The following NRG3 variants were observed in gnomAD, a reference collection of about 807,000 sequenced individuals.
NRG3 encodes neuregulin 3.
NRG3 carries 31 observed loss-of-function variants against 66.9 expected under a neutral mutation model. The observed-to-expected ratio is 0.46, with a 90% CI of 0.35 to 0.63. The LOEUF is 0.63. Ranked by LOEUF, NRG3 falls within the 20% of genes least tolerant of loss-of-function variation. NRG3 has a pLI of 0.00. For missense variants in NRG3, 910 were observed against 878.9 expected (o/e 1.04, Z -0.45); for synonymous variants, 393 against 359.4 (o/e 1.09, Z -1.06).
At chr10:81,973,654 T>C (rs1294359430) in intron 1 of NRG3, among the ~76,000 whole-genome samples, 1 of 152,206 alleles carries the variant, frequency 6.6e-6, no homozygotes, top group African/African-American at 2.4e-5. Context: ...ATTTCTCTCA[T>C]AATTAGTGAT....
chr10:82,131,736 T>A (rs538246253), intron 1 of NRG3, among the ~76,000 whole-genome samples: 1 of 152,268 alleles, frequency 6.6e-6, no homozygotes, highest in South Asian at 2.1e-4. Context: ...GTTTTCATTG[T>A]AGATAACTTT....
intron 4 of NRG3, among the ~76,000 whole-genome samples, chr10:82,945,227 G>A (rs1356490126): frequency 6.6e-6 from 1 of 152,138 alleles, no homozygotes; most frequent in Non-Finnish European, 1.5e-5. Flanking sequence ...ATGTTGGTTG[G>A]AACAGCACAC....
intron 1 of NRG3, among the ~76,000 whole-genome samples, chr10:82,196,452 AGAGCT>A (rs1176752462): frequency 1.3e-5 from 2 of 152,200 alleles, no homozygotes; most frequent in African/African-American, 2.4e-5. Context: ...GAGAAATGCA[AGAGCT>A]GGGTTCAGGT....
intron 3 of NRG3, among the ~76,000 whole-genome samples, chr10:82,797,402 C>T (rs1170864292): frequency 6.6e-6 from 1 of 152,180 alleles, no homozygotes; most frequent in Non-Finnish European, 1.5e-5. Flanking sequence ...ACTTGACTAT[C>T]CAGGTGCCTT....
intron 1 of NRG3, among the ~76,000 whole-genome samples, chr10:82,067,495 C>T (rs1308705805): frequency 6.6e-6 from 1 of 152,176 alleles, no homozygotes; most frequent in African/African-American, 2.4e-5. Flanking sequence ...TTACAGGTTC[C>T]TGCCACCATG....
chr10:82,451,184 T>C (rs1694368890), intron 2 of NRG3, among the ~76,000 whole-genome samples: 2 of 152,172 alleles, frequency 1.3e-5, no homozygotes, highest in Admixed American at 1.3e-4. Context: ...ATTTTTCCCA[T>C]TTTATAATTA....
intron 4 of NRG3, among the ~76,000 whole-genome samples, chr10:82,937,090 C>A (rs180860093): frequency 6.6e-6 from 1 of 152,144 alleles, no homozygotes; most frequent in South Asian, 2.1e-4. Flanking sequence ...CTACAACACT[C>A]TTTTAATTCT....
intron 4 of NRG3, among the ~76,000 whole-genome samples, chr10:82,880,983 G>A (rs903291245): frequency 6.6e-6 from 1 of 152,190 alleles, no homozygotes; most frequent in Admixed American, 6.5e-5. Context: ...AGCAGTGCAG[G>A]AAGATAAGCA....
At chr10:82,897,006 C>T (rs751846727) in intron 4 of NRG3, among the ~76,000 whole-genome samples, 15 of 152,168 alleles carry the variant, frequency 9.9e-5, no homozygotes, top group Non-Finnish European at 8.8e-5. Context: ...AGAAGAAATT[C>T]GGTTTGGTGA....
chr10:82,149,789 T>C (rs550922064), intron 1 of NRG3, among the ~76,000 whole-genome samples: 17 of 152,100 alleles, frequency 1.1e-4, no homozygotes, highest in African/African-American at 4.1e-4. Context: ...TTTTATGACA[T>C]GTTTCACACA....
At chr10:82,672,949 C>G (rs1042377897) in intron 2 of NRG3, among the ~76,000 whole-genome samples, 1 of 152,206 alleles carries the variant, frequency 6.6e-6, no homozygotes, top group African/African-American at 2.4e-5. Context: ...TGGGGTTTTA[C>G]CATGTTGGCC....
At chr10:82,020,813 A>G (rs759037393) in intron 1 of NRG3, among the ~76,000 whole-genome samples, 5 of 152,098 alleles carry the variant, frequency 3.3e-5, no homozygotes, top group Non-Finnish European at 5.9e-5. Flanking sequence ...CTTATTATAA[A>G]TGTCACTTCC....
At chr10:82,537,044 C>G (rs2132707142) in intron 2 of NRG3, among the ~76,000 whole-genome samples, 2 of 152,058 alleles carry the variant, frequency 1.3e-5, no homozygotes, top group East Asian at 1.9e-4. Flanking sequence ...GACTGATTGA[C>G]AGCATGACAC....
chr10:82,523,746 T>A (rs1425249133), intron 2 of NRG3, among the ~76,000 whole-genome samples: 1 of 152,118 alleles, frequency 6.6e-6, no homozygotes, highest in East Asian at 1.9e-4. Context: ...CTTACATAAC[T>A]CAAAAGTCTC....
intron 1 of NRG3, among the ~76,000 whole-genome samples, chr10:82,321,196 G>T (rs1477535602): frequency 1.3e-5 from 2 of 152,086 alleles, no homozygotes; most frequent in Admixed American, 6.5e-5. Context: ...AAAAGCATTT[G>T]CCCTGGCTCC....
At chr10:81,920,506 A>C (rs1476423327) in intron 1 of NRG3, among the ~76,000 whole-genome samples, 2 of 152,198 alleles carry the variant, frequency 1.3e-5, no homozygotes, top group African/African-American at 4.8e-5. Flanking sequence ...TCTAAAAAAA[A>C]AATGATACTT....
intron 3 of NRG3, among the ~76,000 whole-genome samples, chr10:82,807,257 C>T (rs965378999): frequency 2.0e-5 from 3 of 152,154 alleles, no homozygotes; most frequent in Non-Finnish European, 4.4e-5. Flanking sequence ...ATTTAGGGGG[C>T]ATCTTGACTT....
At chr10:82,789,811 A>AT (rs1287067701) in intron 3 of NRG3, among the ~76,000 whole-genome samples, 1 of 151,582 alleles carries the variant, frequency 6.6e-6, no homozygotes, top group Non-Finnish European at 1.5e-5. Flanking sequence ...TTAAAATACC[A>AT]TTTTAATTCC....
intron 1 of NRG3, among the ~76,000 whole-genome samples, chr10:82,305,816 C>A (rs1166184669): frequency 1.3e-5 from 2 of 152,044 alleles, no homozygotes; most frequent in African/African-American, 4.8e-5. Flanking sequence ...ATTGTTCCTC[C>A]TCCTTAATTT....
Sources: gnomAD v4.1 joint callset for allele counts (sites outside exome capture counted in the v4.1 genomes callset) on GRCh38, gnomAD v4.1.1 for gene constraint, MANE v1.5 for transcripts, NCBI Gene and HGNC (gene_info 2026-07-23, HGNC 2026-07-21) for gene names.